The following KDM4D variants were observed in gnomAD, a reference collection of about 807,000 sequenced individuals.
KDM4D encodes lysine demethylase 4D, also known as lysine-specific demethylase 4D.
For missense variants in KDM4D, 427 were observed against 674.8 expected, an observed-to-expected ratio of 0.63 and a Z score of 4.07; for synonymous variants, 254 against 249.1, an observed-to-expected ratio of 1.02 and a Z score of -0.19.
chr11:94,987,512 C>G (rs972042076), intron 2 of KDM4D, among the ~76,000 whole-genome samples: 1 of 152,186 alleles, frequency 6.6e-6, no homozygotes, highest in Non-Finnish European at 1.5e-5. Flanking sequence ...CAACTACTGA[C>G]AGGTGCCCCC....
chr11:94,981,969 A>T (rs1555097613), intron 2 of KDM4D, among the ~76,000 whole-genome samples: 1 of 151,046 alleles, frequency 6.6e-6, no homozygotes, highest in African/African-American at 2.4e-5. Flanking sequence ...TAAATTTATA[A>T]ATTTCCCTTT....
chr11:94,982,922 T>A (rs1165193024), intron 2 of KDM4D, among the ~76,000 whole-genome samples: 2 of 151,994 alleles, frequency 1.3e-5, no homozygotes, highest in Non-Finnish European at 2.9e-5. Context: ...GCTATGAAAA[T>A]ACACCTCTAA....
intron 2 of KDM4D, among the ~76,000 whole-genome samples, chr11:94,989,752 C>CTTTTTTTTT (rs587676047): frequency 1.6e-5 from 2 of 122,844 alleles, no homozygotes; most frequent in Non-Finnish European, 3.3e-5. Flanking sequence ...CTCTCTCTTT[C>CTTTTTTTTT]TTTTTTTTTT....
In KDM4D at chr11:94,998,702, A is replaced by G; in HGVS notation, c.1330A>G (p.Ile444Val). Residue 444 changes from isoleucine (I) to valine (V), a missense_variant, in exon 3 of 3, where the codon ATC becomes GTC. By Grantham distance (29) the Ile-to-Val change is conservative. Coordinates refer to ENST00000335080, the MANE Select transcript of KDM4D (RefSeq NM_018039.3). This position sits in a 1 kb window ranked among gnomAD's most constrained non-coding sequence, Gnocchi z 6.7. ...CACCCCTGGTCCATCTGCACAGATT[A>G]TCCACCCGTCAAATGGCAGACGTGG... Reference protein sequence around the residue: ...SSTPGPSAQIIHPSNGRRGRG... With the variant: ...SSTPGPSAQIVHPSNGRRGRG... 6.2e-7 allele frequency: 1 copy of G among 1,614,188 alleles called. No individual in the cohort carries two copies. The highest frequency in any genetic ancestry group is 1.1e-5 in the South Asian group (1 of 91,084).
At chr11:94,989,341 C>T (rs1464886923) in intron 2 of KDM4D, among the ~76,000 whole-genome samples, 1 of 152,086 alleles carries the variant, frequency 6.6e-6, no homozygotes, top group African/African-American at 2.4e-5. Flanking sequence ...TTCCTTAAAA[C>T]TCAATGGAGT....
chr11:94,983,695 A>T (rs1233517107), intron 2 of KDM4D, among the ~76,000 whole-genome samples: 2 of 152,174 alleles, frequency 1.3e-5, no homozygotes, highest in Non-Finnish European at 2.9e-5. Flanking sequence ...AAATTACTTG[A>T]CTTCACCAGT....
intron 2 of KDM4D, among the ~76,000 whole-genome samples, chr11:94,996,277 G>A (rs965923363): frequency 3.3e-4 from 51 of 152,242 alleles, no homozygotes; most frequent in African/African-American, 1.2e-3. Flanking sequence ...AACACAATGA[G>A]TTATTCTGAT....
At chr11:94,995,738 A>G (rs1555099149) in intron 2 of KDM4D, among the ~76,000 whole-genome samples, 1 of 152,178 alleles carries the variant, frequency 6.6e-6, no homozygotes, top group Non-Finnish European at 1.5e-5. Flanking sequence ...ATTTGACTAA[A>G]TAGAGAAATC....
At chr11:94,983,375 A>G (rs1171840942) in intron 2 of KDM4D, among the ~76,000 whole-genome samples, 1 of 152,100 alleles carries the variant, frequency 6.6e-6, no homozygotes, top group African/African-American at 2.4e-5. Flanking sequence ...AGAAAATATG[A>G]TCTTTTTGAC....
At position 94,998,429 on chromosome 11, in the gene KDM4D, C is replaced by T. The variant is rs1555099558; in HGVS notation, c.1057C>T (p.Pro353Ser). ...TGTGGACCACATGGAGCCCAGGGTA[C>T]CAGCCAGCCAAGAGCTGAGCACCCA... ...AVVDHMEPRV[P>S]ASQELSTQKE... The change falls in exon 3 of 3, where the codon CCA (proline) becomes TCA (serine). Residue 353 changes from proline to serine, a missense_variant. By Grantham distance (74) the Pro-to-Ser change is moderately conservative. Transcript: ENST00000335080. This position sits in a 1 kb window ranked among gnomAD's most constrained non-coding sequence, Gnocchi z 6.7. The T allele has an allele frequency of 6.2e-7, 1 of 1,613,808 alleles. No homozygotes were observed. The highest frequency in any genetic ancestry group is 1.1e-5 in the South Asian group (1 of 91,082).
intron 2 of KDM4D, among the ~76,000 whole-genome samples, chr11:94,978,057 G>T (rs1482295612): frequency 2.0e-5 from 3 of 152,112 alleles, no homozygotes; most frequent in Non-Finnish European, 4.4e-5. Flanking sequence ...CCAGAAATAT[G>T]ACTTTCTTTC....
rs1858006165 is a variant in KDM4D at position 94,999,166 on chromosome 11, T to C, written c.*222T>C. On this transcript the variant is annotated 3_prime_UTR_variant, in exon 3 of 3. Coordinates refer to ENST00000335080, the MANE Select transcript of KDM4D (RefSeq NM_018039.3). Reference sequence around the variant, plus strand: ...ACCCTGGAATGTCTTTGGATATTGCTAAAATCTATTTCTGCAGCTGAGGTT... The same window carrying C: ...ACCCTGGAATGTCTTTGGATATTGCCAAAATCTATTTCTGCAGCTGAGGTT... The C allele has an allele frequency of 2.4e-6, 1 of 412,308 alleles. No individual in the cohort carries two copies. Among genetic ancestry groups the C allele is most frequent in the Non-Finnish European group, 4.4e-6 (1 of 224,884 alleles). 25.5% of individuals were successfully genotyped at this position (412,308 alleles called of 1,614,324 possible).
At position 94,999,096 on chromosome 11, in the gene KDM4D, C is replaced by G; in HGVS notation, c.*152C>G. The G allele has an allele frequency of 3.2e-6, 2 of 633,102 alleles. No homozygotes were observed. The highest frequency in any genetic ancestry group is 4.9e-6 in the Non-Finnish European group (2 of 409,318). 39.2% of individuals were successfully genotyped at this position (633,102 alleles called of 1,614,324 possible). ...GTGATGCCCTTGGATGCTGCCAAGT[C>G]CATGGTAGTTTTCAATTTTGCCATA... On this transcript the variant is annotated 3_prime_UTR_variant, in exon 3 of 3. Coordinates refer to ENST00000335080, the MANE Select transcript of KDM4D (RefSeq NM_018039.3).
chr11:94,986,308 G>T (rs1555098116), intron 2 of KDM4D, among the ~76,000 whole-genome samples: 1 of 152,174 alleles, frequency 6.6e-6, no homozygotes, highest in African/African-American at 2.4e-5. Context: ...ATCACAATGA[G>T]GCCAGCCTTG....
Position 94,997,717 on chromosome 11 carries a change from C to T in KDM4D, c.345C>T (p.His115=). ...ANSKKYQTPP[H]QNFEDLERKY... ...GTAAAAAATATCAGACTCCACCACA[C>T]CAGAATTTCGAAGATTTGGAGCGAA... Residue 115 remains histidine (H), a synonymous_variant, in exon 3 of 3, where the codon CAC becomes CAT. Coordinates refer to ENST00000335080, the MANE Select transcript of KDM4D (RefSeq NM_018039.3). 1 of 1,614,214 alleles carries T rather than the reference C, an allele frequency of 6.2e-7. No homozygotes were observed. The highest frequency in any genetic ancestry group is 8.5e-7 in the Non-Finnish European group (1 of 1,180,040).
At chr11:94,987,777 G>A (rs1305102232) in intron 2 of KDM4D, among the ~76,000 whole-genome samples, 1 of 152,032 alleles carries the variant, frequency 6.6e-6, no homozygotes. Context: ...AAAATCTGCA[G>A]CCATGGAAAA....
chr11:94,994,788 G>T (rs55927708), intron 2 of KDM4D, among the ~76,000 whole-genome samples: 6,195 of 151,664 alleles, frequency 0.041, 182 homozygotes, highest in Admixed American at 0.099. Context: ...GGGGTTGGGT[G>T]GGAGAGAGAG....
intron 2 of KDM4D, among the ~76,000 whole-genome samples, chr11:94,991,358 CA>C (rs1328737449): frequency 7.4e-5 from 11 of 149,014 alleles, no homozygotes; most frequent in Non-Finnish European, 1.5e-4. Flanking sequence ...GAGACCAAAG[CA>C]AAAAAAAGAA....
At chr11:94,991,354 A>G (rs1857932891) in intron 2 of KDM4D, among the ~76,000 whole-genome samples, 1 of 152,194 alleles carries the variant, frequency 6.6e-6, no homozygotes, top group Admixed American at 6.5e-5. Context: ...GAAAGAGACC[A>G]AAGCAAAAAA....
Sources: gnomAD v4.1 joint callset for allele counts (sites outside exome capture counted in the v4.1 genomes callset) on GRCh38, gnomAD v4.1.1 for gene constraint, Gnocchi (gnomAD v3.1) non-coding constraint, MANE v1.5 for transcripts, NCBI Gene and HGNC (gene_info 2026-07-23, HGNC 2026-07-21) for gene names.